Variants in NKAIN3 observed in about 807,000 individuals in gnomAD.
The protein encoded by NKAIN3 is sodium/potassium-transporting ATPase subunit beta-1-interacting protein 3.
Under a neutral mutation model 30.2 loss-of-function variants are expected in NKAIN3, and 25 were observed. The ratio of observed to expected loss-of-function variants is 0.83; its 90% CI spans 0.60 to 1.16. The LOEUF is 1.16. Ranked by LOEUF, NKAIN3 falls within the 50% of genes most tolerant of loss-of-function variation. The pLI is 0.00. For missense variants in NKAIN3, 225 were observed against 254.1 expected, an observed-to-expected ratio of 0.89 and a Z score of 0.78; for synonymous variants, 91 against 89.6, an observed-to-expected ratio of 1.02 and a Z score of -0.09.
At chr8:62,583,545 T>C (rs1012835755) in intron 2 of NKAIN3, among the ~76,000 whole-genome samples, 1 of 152,194 alleles carries the variant, frequency 6.6e-6, no homozygotes, top group Non-Finnish European at 1.5e-5. Flanking sequence ...GGGCATGTAT[T>C]AGCTTCTCTG....
intron 5 of NKAIN3, among the ~76,000 whole-genome samples, chr8:62,945,656 C>T (rs1327468341): frequency 3.3e-5 from 5 of 152,204 alleles, no homozygotes; most frequent in African/African-American, 7.2e-5. Flanking sequence ...GAACACTCTA[C>T]ATGCCTACAC....
chr8:62,631,693 CA>C (rs1811964582), intron 3 of NKAIN3, among the ~76,000 whole-genome samples: 2 of 152,144 alleles, frequency 1.3e-5, no homozygotes, highest in African/African-American at 4.8e-5. Context: ...TTCACATCTC[CA>C]GAACAATCCT....
At chr8:62,487,294 G>T (rs12678820) in intron 1 of NKAIN3, among the ~76,000 whole-genome samples, 10,939 of 152,116 alleles carry the variant, frequency 0.072, 490 homozygotes, top group African/African-American at 0.13. Flanking sequence ...AAACTGAGAG[G>T]ATTTTTGCTT....
At position 62,685,405 on chromosome 8, in the gene NKAIN3, G is replaced by A. The variant is rs189516577; in HGVS notation, c.274-61527G>A. Among the ~76,000 whole-genome samples, 42 of 152,248 alleles carry A rather than the reference G, an allele frequency of 2.8e-4. No individual in the cohort carries two copies. The East Asian group carries it at 7.0e-3, about 25-fold the overall frequency. ...CCTTTTATTCAGTTTTACTATCTGT[G>A]TATTCCTCACAACTGAGGAAAGTGA... On this transcript the variant is annotated intron_variant, in intron 3 of 6. Transcript: ENST00000623646.
At chr8:62,814,546 G>A (rs927814956) in intron 4 of NKAIN3, among the ~76,000 whole-genome samples, 2 of 151,974 alleles carry the variant, frequency 1.3e-5, no homozygotes, top group Admixed American at 6.6e-5. Context: ...AGACCACAGT[G>A]CAATCAAACT....
intron 4 of NKAIN3, chr8:62,856,518 A>C: frequency 1.3e-6 from 1 of 782,472 alleles, no homozygotes; most frequent in Non-Finnish European, 2.3e-6. Context: ...TATCTCAGAG[A>C]TCACCAGCTT....
chr8:62,694,155 T>C (rs1272198862), intron 3 of NKAIN3, among the ~76,000 whole-genome samples: 1 of 152,192 alleles, frequency 6.6e-6, no homozygotes, highest in Admixed American at 6.5e-5. Flanking sequence ...CTTTCTACTA[T>C]ACTATCAACT....
At chr8:62,563,630 G>A (rs889972589) in intron 1 of NKAIN3, among the ~76,000 whole-genome samples, 3 of 152,114 alleles carry the variant, frequency 2.0e-5, no homozygotes, top group African/African-American at 4.8e-5. Context: ...CCAGAGTTAA[G>A]CACCATAGCT....
intron 1 of NKAIN3, among the ~76,000 whole-genome samples, chr8:62,502,816 G>A (rs899653593): frequency 6.6e-6 from 1 of 152,212 alleles, no homozygotes; most frequent in African/African-American, 2.4e-5. Flanking sequence ...AGTGCAATTG[G>A]ACTGTGAGGA....
At position 62,919,417 on chromosome 8, in the gene NKAIN3, T is replaced by C. The variant is rs10105472; in HGVS notation, c.532+904T>C. ...CCGCCACCATGTCCGGCTAATTTTT[T>C]TGTATTTTTAGTAGAGAAGGGGTTT... On this transcript the variant is annotated intron_variant, in intron 5 of 6. Transcript: ENST00000623646. Among the ~76,000 whole-genome samples, 1,277 of 151,614 alleles carry C rather than the reference T, an allele frequency of 8.4e-3. 23 individuals are homozygous for C. Among genetic ancestry groups the C allele is most frequent in the African/African-American group, 0.03 (1,233 of 41,330 alleles).
In NKAIN3 at chr8:62,967,427, T is replaced by C. The variant is rs549302343; in HGVS notation, c.*2020T>C. 1.9e-4 allele frequency among the ~76,000 whole-genome samples: 29 copies of C among 152,170 alleles called. No homozygotes were observed. Among genetic ancestry groups the C allele is most frequent in the African/African-American group, 6.0e-4 (25 of 41,466 alleles). On this transcript the variant is annotated 3_prime_UTR_variant, in exon 7 of 7. Transcript: ENST00000623646. The stretch of plus-strand genomic sequence containing the variant: ...ATGTAAAAAAATTCTCAGTACACAG[T>C]GAAGCACTCCACAATTAAAGGAGGT...
chr8:62,614,414 T>C (rs1386228039), intron 3 of NKAIN3, among the ~76,000 whole-genome samples: 1 of 152,162 alleles, frequency 6.6e-6, no homozygotes, highest in Non-Finnish European at 1.5e-5. Context: ...CAAGCACCCC[T>C]GTGGCCATCA....
chr8:62,538,231 G>A (rs936021565), intron 1 of NKAIN3, among the ~76,000 whole-genome samples: 2 of 152,172 alleles, frequency 1.3e-5, no homozygotes, highest in Non-Finnish European at 2.9e-5. Context: ...CTGGAGTGCA[G>A]TGGTGCAATC....
At chr8:62,858,714 G>T (rs1417531350) in intron 4 of NKAIN3, among the ~76,000 whole-genome samples, 1 of 151,750 alleles carries the variant, frequency 6.6e-6, no homozygotes, top group Non-Finnish European at 1.5e-5. Context: ...CCACAGGCTG[G>T]AACAGCTGAG....
At chr8:62,310,113 T>A (rs1027071721) in intron 1 of NKAIN3, among the ~76,000 whole-genome samples, 1 of 150,572 alleles carries the variant, frequency 6.6e-6, no homozygotes, top group African/African-American at 2.5e-5. Context: ...ATCATCTATT[T>A]TCAACTGCCT....
intron 1 of NKAIN3, among the ~76,000 whole-genome samples, chr8:62,389,644 T>C (rs2129594489): frequency 6.6e-6 from 1 of 152,358 alleles, no homozygotes; most frequent in African/African-American, 2.4e-5. Context: ...TGTGGATCTA[T>C]GTTGCCTATC....
At chr8:62,857,001 C>A (rs151315476) in intron 4 of NKAIN3, 18 of 522,500 alleles carry the variant, frequency 3.4e-5, no homozygotes, top group African/African-American at 2.4e-4. Context: ...TACTTATAGT[C>A]TCCACTTGCT....
At chr8:62,726,508 A>G (rs1480129) in intron 3 of NKAIN3, among the ~76,000 whole-genome samples, 121,114 of 151,678 alleles carry the variant, frequency 0.8, 48,953 homozygotes, top group Non-Finnish European at 0.87. Flanking sequence ...TCATGGAAGG[A>G]TGTAGAATTT....
intron 3 of NKAIN3, among the ~76,000 whole-genome samples, chr8:62,736,253 G>T (rs116557632): frequency 0.011 from 1,601 of 152,226 alleles, 31 homozygotes; most frequent in African/African-American, 0.035. Flanking sequence ...AGAGGATTAC[G>T]TCCTTTGTCT....
Sources: allele counts gnomAD v4.1 joint callset (sites outside exome capture counted in the v4.1 genomes callset), GRCh38; gene constraint gnomAD v4.1.1; transcripts MANE v1.5; gene names NCBI Gene and HGNC (gene_info 2026-07-23, HGNC 2026-07-21).